Variants in PRH2 observed in about 807,000 individuals in gnomAD.
PRH2 encodes proline rich protein HaeIII subfamily 2, also known as salivary acidic proline-rich phosphoprotein 1/2.
In PRH2, 19 loss-of-function variants were observed where a neutral mutation model predicts 22.6. The ratio of observed to expected loss-of-function variants is 0.84; its 90% confidence interval spans 0.59 to 1.23. The LOEUF is 1.23. PRH2 is among the 50% of genes most tolerant of loss of function. The probability of loss-of-function intolerance (pLI) is 0.00; values close to 1 mark genes in which losing one functional copy is unlikely to be tolerated. For missense variants in PRH2, 109 were observed against 203.0 expected, an observed-to-expected ratio of 0.54 and a Z score of 2.81; for synonymous variants, 45 against 72.0, an observed-to-expected ratio of 0.63 and a Z score of 1.90.
rs542701392 is a variant in PRH2 at position 10,933,736 on chromosome 12, A to G, written c.*1529A>G. 6.6e-4 allele frequency among the ~76,000 whole-genome samples: 101 copies of G among 152,288 alleles called. No homozygotes were observed. The East Asian group carries it at 0.014, about 21-fold the overall frequency. Reference sequence around the variant, plus strand: ...TGATTAAAATGGTGTACCTCAAAGTAGCTGCTAACCTTATGTGTATCTGCA... The same window carrying G: ...TGATTAAAATGGTGTACCTCAAAGTGGCTGCTAACCTTATGTGTATCTGCA... On this transcript the variant is annotated 3_prime_UTR_variant, in exon 4 of 4. Transcript: ENST00000396400.
At chr12:10,930,096 A>G (rs1013789457) in intron 1 of PRH2, among the ~76,000 whole-genome samples, 173 bp from the exon 2 acceptor site, 8 of 152,124 alleles carry the variant, frequency 5.3e-5, no homozygotes, top group African/African-American at 1.7e-4. Context: ...TGTAGTAACA[A>G]TCCTGCTTTC....
intron 3 of PRH2, 142 bp downstream of exon 3, chr12:10,931,222 G>A (rs546599094): frequency 2.0e-6 from 3 of 1,489,102 alleles, no homozygotes; most frequent in East Asian, 4.6e-5. Context: ...AAATATTCTG[G>A]GATAAGGTAG....
chr12:10,930,574 G>A, intron 2 of PRH2, 88 bp from the exon 3 acceptor site: 2 of 1,572,912 alleles, frequency 1.3e-6, no homozygotes, highest in South Asian at 1.2e-5. Context: ...AGGGAGAGAG[G>A]GGCCGGCCGT....
chr12:10,931,271 C>A (rs1950208994), intron 3 of PRH2, 191 bp downstream of exon 3: 2 of 1,220,490 alleles, frequency 1.6e-6, no homozygotes, highest in Non-Finnish European at 2.2e-6. Flanking sequence ...AAGGCAATTC[C>A]AATTTTGAGA....
chr12:10,934,801 A>C lies in PRH2; in HGVS notation c.*2594A>C, dbSNP rs542824681. 4.6e-5 allele frequency among the ~76,000 whole-genome samples: 7 copies of C among 152,256 alleles called. No individual in the cohort carries two copies. The East Asian group carries it at 1.3e-3, about 29-fold the overall frequency. On this transcript the variant is annotated 3_prime_UTR_variant, in exon 4 of 4. Coordinates refer to ENST00000396400, the MANE Select transcript of PRH2 (RefSeq NM_001110213.1). Reference sequence around the variant, plus strand: ...CTCATACTTCATGATGAAAGAAAAAACTGAATTCTCATTGTTAATAAACAA... The same window carrying C: ...CTCATACTTCATGATGAAAGAAAAACCTGAATTCTCATTGTTAATAAACAA...
Position 10,930,893 on chromosome 12 carries a change from C to T in PRH2, c.332C>T (p.Pro111Leu), listed in dbSNP as rs1479283057. 4 of 1,611,268 alleles carry T rather than the reference C, an allele frequency of 2.5e-6. No individual in the cohort carries two copies. The highest frequency in any genetic ancestry group is 3.4e-6 in the Non-Finnish European group (4 of 1,178,742). ...CCTCCTCAAGGAAGGCCACAAGGAC[C>T]ACCCCAACAGGGAGGCCATCCCCGT... ...PPPPQGRPQGPPQQGGHPRPP... is the reference protein window; with the variant it reads ...PPPPQGRPQGLPQQGGHPRPP... The change falls in exon 3 of 4, where the codon CCA becomes CTA. Residue 111 changes from proline (P) to leucine (L), a missense_variant. Pro to Leu is a moderately conservative substitution (Grantham distance 98). Coordinates refer to ENST00000396400, the MANE Select transcript of PRH2 (RefSeq NM_001110213.1).
intron 3 of PRH2, among the ~76,000 whole-genome samples, chr12:10,931,914 A>G (rs1018278184): frequency 2.0e-5 from 3 of 152,092 alleles, no homozygotes; most frequent in African/African-American, 7.2e-5. Context: ...CTGCTTTCAC[A>G]CTGTCCCTAT....
chr12:10,931,199 A>G (rs1168830630), intron 3 of PRH2, 119 bp downstream of exon 3: 1 of 1,526,846 alleles, frequency 6.5e-7, no homozygotes, highest in African/African-American at 1.4e-5. Flanking sequence ...CACATTTCTC[A>G]TGAGTTTTGT....
chr12:10,934,714 C>T lies in PRH2; in HGVS notation c.*2507C>T, dbSNP rs1238624123. Reference sequence around the variant, plus strand: ...CTTTTTTCACAAAAAGATTATTTTGCCCCAGACAGCTATCTGCATTCTGAT... The same window carrying T: ...CTTTTTTCACAAAAAGATTATTTTGTCCCAGACAGCTATCTGCATTCTGAT... On this transcript the variant is annotated 3_prime_UTR_variant, in exon 4 of 4. Transcript: ENST00000396400. Among the ~76,000 whole-genome samples the T allele has an allele frequency of 2.6e-5, 4 of 151,948 alleles. No individual in the cohort carries two copies. The highest frequency in any genetic ancestry group is 7.3e-5 in the African/African-American group (3 of 41,368).
chr12:10,931,748 T>C (rs1486042613), intron 3 of PRH2, among the ~76,000 whole-genome samples: 1 of 152,218 alleles, frequency 6.6e-6, no homozygotes, highest in Non-Finnish European at 1.5e-5. Context: ...TTCTGTGTCT[T>C]ACTTATTGGA....
chr12:10,931,694 C>G (rs949834338), intron 3 of PRH2, among the ~76,000 whole-genome samples: 4 of 152,130 alleles, frequency 2.6e-5, no homozygotes, highest in Admixed American at 1.3e-4. Context: ...TGCTACATAA[C>G]TATATATAAT....
In PRH2 at chr12:10,932,308, A is replaced by G. The variant is rs1950225472; in HGVS notation, c.*101A>G. 2.7e-6 allele frequency: 1 copy of G among 372,950 alleles called. No homozygotes were observed. Among genetic ancestry groups the G allele is most frequent in the Admixed American group, 2.5e-5 (1 of 40,652 alleles). The allele number at this position is 372,950 out of a possible 1,614,324, so 23.1% of individuals were successfully genotyped here. On this transcript the variant is annotated 3_prime_UTR_variant, in exon 4 of 4. Coordinates refer to ENST00000396400, the MANE Select transcript of PRH2 (RefSeq NM_001110213.1). The stretch of plus-strand genomic sequence containing the variant: ...TCTAACTTCAATATACCAATAAAAT[A>G]ATCAGCTTGCAATTTCTGATTATAG...
At chr12:10,931,293 C>G (rs1403166046) in intron 3 of PRH2, 6 of 1,003,046 alleles carry the variant, frequency 6.0e-6, no homozygotes, top group African/African-American at 4.9e-5. Context: ...TCACTATCTT[C>G]AAATTACCTC....
In PRH2 at chr12:10,930,672, C is replaced by T; in HGVS notation, c.111C>T (p.Asp37=). Residue 37 remains aspartate, a synonymous_variant, in exon 3 of 4, where the codon GAC becomes GAT. Transcript: ENST00000396400. ...DVPLVISDGG[D]SEQFIDEERQ... ...TTTCAACTCACACAGATGGAGGAGA[C>T]TCTGAGCAGTTCATAGATGAGGAGC... 6.2e-7 allele frequency: 1 copy of T among 1,613,858 alleles called. No individual in the cohort carries two copies. Among genetic ancestry groups the T allele is most frequent in the Non-Finnish European group, 8.5e-7 (1 of 1,179,828 alleles).
Position 10,931,034 on chromosome 12 carries a change from G to A in PRH2, c.473G>A (p.Gly158Glu). The A allele has an allele frequency of 6.3e-7, 1 of 1,591,650 alleles. No individual in the cohort carries two copies. The highest frequency in any genetic ancestry group is 8.5e-7 in the Non-Finnish European group (1 of 1,171,280). Residue 158 changes from glycine to glutamate, a missense_variant, in exon 3 of 4, where the codon GGA becomes GAA. This residue lies in a region of PRH2 where 41 missense variants were observed against 93.6 expected (regional missense o/e 0.44). Coordinates refer to ENST00000396400, the MANE Select transcript of PRH2 (RefSeq NM_001110213.1). ...GPPPQGGRPQ[G>E]PPQGQSPQ ...CCTCCCCAAGGGGGCCGCCCACAAGGACCTCCACAGGGGCAGTCTCCTCAG... is the reference window on the plus strand; with the variant it reads ...CCTCCCCAAGGGGGCCGCCCACAAGAACCTCCACAGGGGCAGTCTCCTCAG...
At chr12:10,930,185 G>A (rs988699108) in intron 1 of PRH2, 84 bp from the exon 2 acceptor site, 29 of 1,482,672 alleles carry the variant, frequency 2.0e-5, no homozygotes, top group Non-Finnish European at 2.7e-5. Context: ...GGTGTGATCA[G>A]AGGTCCTTTA....
At position 10,932,434 on chromosome 12, in the gene PRH2, T is replaced by G. The variant is rs751603868; in HGVS notation, c.*227T>G. On this transcript the variant is annotated 3_prime_UTR_variant, in exon 4 of 4. Transcript: ENST00000396400. ...TCCTTGATGTTTCCAGCAAGCTTCT[T>G]TCCTCCTTATCCTTATTAAGTCATC... is the stretch of plus-strand genomic sequence containing the variant. 5.7e-6 allele frequency: 1 copy of G among 174,628 alleles called. No individual in the cohort carries two copies. The highest frequency in any genetic ancestry group is 1.3e-5 in the Non-Finnish European group (1 of 76,872). 10.8% of individuals were successfully genotyped at this position (174,628 alleles called of 1,614,324 possible).
rs2135876189 is a variant in PRH2, at chr12:10,934,452, A to G, written c.*2245A>G. Among the ~76,000 whole-genome samples, 1 of 152,226 alleles carries G rather than the reference A, an allele frequency of 6.6e-6. No homozygotes were observed. The highest frequency in any genetic ancestry group is 1.5e-5 in the Non-Finnish European group (1 of 67,982). ...TATGAATCCATTCCCCAAAATTCCA[A>G]TTAGGAATTATATATTTATTATTAT... On this transcript the variant is annotated 3_prime_UTR_variant, in exon 4 of 4. Coordinates refer to ENST00000396400, the MANE Select transcript of PRH2 (RefSeq NM_001110213.1).
Position 10,931,026 on chromosome 12 carries a change from C to T in PRH2, c.465C>T (p.Arg155=), listed in dbSNP as rs370064960. ...AGGGACCACCTCCCCAAGGGGGCCGCCCACAAGGACCTCCACAGGGGCAGT... is the reference window on the plus strand; with the variant it reads ...AGGGACCACCTCCCCAAGGGGGCCGTCCACAAGGACCTCCACAGGGGCAGT... ...KPQGPPPQGG[R]PQGPPQGQSP... is the part of the protein sequence containing the mutation. Residue 155 remains arginine, a synonymous_variant, in exon 3 of 4, where the codon CGC becomes CGT. Coordinates refer to ENST00000396400, the MANE Select transcript of PRH2 (RefSeq NM_001110213.1). 3.8e-6 allele frequency: 6 copies of T among 1,592,222 alleles called. No homozygotes were observed. In the African/African-American group the frequency reaches 6.7e-5, roughly 18 times the overall value.
Sources: gnomAD v4.1 joint callset for allele counts (sites outside exome capture counted in the v4.1 genomes callset) on GRCh38, gnomAD v4.1.1 for gene constraint, gnomAD v4.1.1 regional missense constraint, MANE v1.5 for transcripts, NCBI Gene and HGNC (gene_info 2026-07-23, HGNC 2026-07-21) for gene names.